Variants in HADHA observed in about 807,000 individuals in gnomAD.
HADHA encodes trifunctional enzyme subunit alpha, mitochondrial.
Under a neutral mutation model 91.3 loss-of-function variants are expected in HADHA, and 59 were observed. The observed-to-expected ratio is 0.65, with a 90% CI of 0.52 to 0.80. The LOEUF is 0.80. HADHA is among the 30% of genes least tolerant of loss of function. The pLI is 0.00. For missense variants in HADHA, 800 were observed against 927.6 expected (o/e 0.86, Z 1.79); for synonymous variants, 320 against 338.9 (o/e 0.94, Z 0.61).
chr2:26,221,822 A>G lies in HADHA; in HGVS notation c.677-6647T>C, dbSNP rs116300430. Among the ~76,000 whole-genome samples the G allele has an allele frequency of 0.01, 1,558 of 152,340 alleles. 18 individuals are homozygous for G. Among genetic ancestry groups the G allele is most frequent in the Non-Finnish European group, 0.018 (1,254 of 68,028 alleles). ...CCCTTAAGGACAGTGGTGAAGGGAT[A>G]GCCTCCCAGTGGGCAGTACTTCTGA... is the stretch of plus-strand genomic sequence containing the variant. On this transcript the variant is annotated intron_variant, in intron 7 of 19. Transcript: ENST00000380649. The surrounding 1 kb of genome is among the most constrained non-coding windows in gnomAD (Gnocchi z 4.8).
At chr2:26,219,761 C>A (rs1303224793) in intron 7 of HADHA, among the ~76,000 whole-genome samples, 1 of 152,180 alleles carries the variant, frequency 6.6e-6, no homozygotes, top group Admixed American at 6.5e-5. Context: ...AATAGTCTGA[C>A]TTGCTGAGAC....
chr2:26,198,521 C>T (rs1669743245), intron 13 of HADHA, among the ~76,000 whole-genome samples: 1 of 151,898 alleles, frequency 6.6e-6, no homozygotes, highest in Admixed American at 6.6e-5. Flanking sequence ...GAAGGGACAC[C>T]TGTCAAATGT....
intron 12 of HADHA, 147 bp from the exon 13 acceptor site, chr2:26,201,467 G>A: frequency 1.6e-6 from 1 of 636,228 alleles, no homozygotes; most frequent in Non-Finnish European, 2.8e-6. Context: ...CTTTCAAGTT[G>A]TTTAGTCTTA....
intron 7 of HADHA, 111 bp downstream of exon 7, chr2:26,230,081 C>T (rs1670584130): frequency 1.1e-5 from 8 of 721,300 alleles, no homozygotes; most frequent in Admixed American, 3.5e-5. Flanking sequence ...CCTCAGCCTC[C>T]CAAAGTGCTG....
In HADHA at chr2:26,195,174, G is replaced by C; in HGVS notation, c.1538C>G (p.Thr513Arg). 6.2e-7 allele frequency: 1 copy of C among 1,611,474 alleles called. No individual in the cohort carries two copies. The highest frequency in any genetic ancestry group is 8.5e-7 in the Non-Finnish European group (1 of 1,177,728). ...GGTGTCTTTGGAAGTTTTCTCGGTC[G>C]TGATAATCTCCAGCAGCTGCATCTT... ...VDKMQLLEIITTEKTSKDTSA... is the reference protein window; with the variant it reads ...VDKMQLLEIIRTEKTSKDTSA... Residue 513 changes from threonine (T) to arginine (R), a missense_variant, in exon 15 of 20, where the codon ACG (threonine) becomes AGG (arginine). Coordinates refer to ENST00000380649, the MANE Select transcript of HADHA (RefSeq NM_000182.5).
chr2:26,197,084 C>T (rs904532928), intron 14 of HADHA, among the ~76,000 whole-genome samples: 12 of 152,212 alleles, frequency 7.9e-5, no homozygotes, highest in African/African-American at 2.4e-4. Flanking sequence ...TGCCTACCTT[C>T]GGCTGGTTCT....
chr2:26,205,732 A>T (rs1669955687), intron 11 of HADHA, among the ~76,000 whole-genome samples: 1 of 152,106 alleles, frequency 6.6e-6, no homozygotes, highest in African/African-American at 2.4e-5. Context: ...TCAACCTGGG[A>T]GGCGGAGGTT....
In HADHA at chr2:26,236,992, C is replaced by T. The variant is rs773651205; in HGVS notation, c.181-4G>A. 6 of 1,600,786 alleles carry T rather than the reference C, an allele frequency of 3.7e-6. 1 individual carries two copies. In the South Asian group the frequency reaches 6.6e-5, roughly 18 times the overall value. ...GCTCTTTACTCAGTGTATTTACCTG[C>T]CAAAGGGAAATATATACAGGTAAGG... On this transcript the variant is annotated splice_polypyrimidine_tract_variant and splice_region_variant and intron_variant, in intron 3 of 19. Transcript: ENST00000380649.
chr2:26,203,115 A>G (rs1376868822), intron 12 of HADHA, among the ~76,000 whole-genome samples: 2 of 152,162 alleles, frequency 1.3e-5, no homozygotes, highest in Admixed American at 1.3e-4. Flanking sequence ...AGCACACATC[A>G]TTTTTTTGGT....
chr2:26,236,797 C>A, intron 4 of HADHA, 58 bp downstream of exon 4: 1 of 1,326,768 alleles, frequency 7.5e-7, no homozygotes, highest in Non-Finnish European at 1.1e-6. Flanking sequence ...AATTATTAGG[C>A]CTAAGAAACA....
chr2:26,204,445 G>A (rs1458606358), intron 11 of HADHA, among the ~76,000 whole-genome samples: 1 of 152,208 alleles, frequency 6.6e-6, no homozygotes, highest in East Asian at 1.9e-4. Context: ...CTTCAATCAT[G>A]CTTCGAAATC....
chr2:26,228,539 T>C (rs1187023931), intron 7 of HADHA, among the ~76,000 whole-genome samples: 1 of 152,150 alleles, frequency 6.6e-6, no homozygotes, highest in Non-Finnish European at 1.5e-5. Flanking sequence ...ATAAACAAAC[T>C]ATGGTACATT....
At chr2:26,212,010 T>C (rs1670111668) in intron 10 of HADHA, 1 of 156,920 alleles carries the variant, frequency 6.4e-6, no homozygotes, top group Non-Finnish European at 1.4e-5. Context: ...TAGAACTCTG[T>C]TCCTGCCCTT....
At chr2:26,200,899 A>G (rs1433692766) in intron 13 of HADHA, among the ~76,000 whole-genome samples, 2 of 151,612 alleles carry the variant, frequency 1.3e-5, no homozygotes, top group Non-Finnish European at 2.9e-5. Context: ...TGCCCGGCTA[A>G]TTTTTGTATT....
chr2:26,237,433 C>G (rs557538714), intron 3 of HADHA, among the ~76,000 whole-genome samples: 59 of 152,286 alleles, frequency 3.9e-4, no homozygotes, highest in African/African-American at 1.3e-3. Context: ...TCGAGACCAG[C>G]CTGGGCAACA....
chr2:26,244,284 G>A (rs1671014948), intron 1 of HADHA, among the ~76,000 whole-genome samples: 1 of 152,234 alleles, frequency 6.6e-6, no homozygotes, highest in South Asian at 2.1e-4. Context: ...GTGACAGAAC[G>A]AGTGGCACCA....
intron 7 of HADHA, among the ~76,000 whole-genome samples, chr2:26,218,845 T>G (rs1212066920): frequency 6.6e-6 from 1 of 151,220 alleles, no homozygotes; most frequent in Non-Finnish European, 1.5e-5. Context: ...CCATCTCTAC[T>G]AATATACAAA....
chr2:26,201,698 CAG>C (rs1169536411), intron 12 of HADHA, among the ~76,000 whole-genome samples: 1 of 152,064 alleles, frequency 6.6e-6, no homozygotes, highest in Non-Finnish European at 1.5e-5. Context: ...CTACCTATGA[CAG>C]GGGAAGCAGC....
At chr2:26,205,549 G>T (rs1669950392) in intron 11 of HADHA, among the ~76,000 whole-genome samples, 1 of 152,370 alleles carries the variant, frequency 6.6e-6, no homozygotes, top group East Asian at 1.9e-4. Flanking sequence ...GCTGGGCACA[G>T]TGGCTTACGC....
Sources: allele counts gnomAD v4.1 joint callset (sites outside exome capture counted in the v4.1 genomes callset), GRCh38; gene constraint gnomAD v4.1.1; non-coding constraint Gnocchi (gnomAD v3.1); transcripts MANE v1.5; gene names NCBI Gene and HGNC (gene_info 2026-07-23, HGNC 2026-07-21).